PPM1K: variants seen among roughly 807,000 people sequenced by gnomAD.
PPM1K encodes the protein protein phosphatase, Mg2+/Mn2+ dependent 1K, also known as protein phosphatase Mn(2+)-dependent 1K.
PPM1K carries 19 observed loss-of-function variants against 32.6 expected under a neutral mutation model. That is an observed-to-expected ratio of 0.58 (90% CI 0.41 to 0.86). The LOEUF is 0.86. Among genes scored for constraint, PPM1K ranks in the 40% least tolerant of loss-of-function variants. The pLI is 0.00. For synonymous variants in PPM1K, 159 were observed against 165.3 expected (o/e 0.96, Z 0.29); for missense variants, 362 against 461.2 (o/e 0.78, Z 1.97).
chr4:88,275,012 T>C, intron 3 of PPM1K: 1 of 725,524 alleles, frequency 1.4e-6, no homozygotes, highest in Non-Finnish European at 1.7e-6. Flanking sequence ...CCTTTTCTTT[T>C]AGTACACACT....
chr4:88,265,129 G>C lies in PPM1K; in HGVS notation c.859C>G (p.His287Asp). 6.2e-7 allele frequency: 1 copy of C among 1,614,166 alleles called. No homozygotes were observed. The highest frequency in any genetic ancestry group is 8.5e-7 in the Non-Finnish European group (1 of 1,180,006). ...AGGACCAGGAAGCTGTCATCAGCAT[G>C]ATGTAACTGCAATCAGAACCAAATG... is the stretch of plus-strand genomic sequence containing the variant. ...EPETKRIKLHHADDSFLVLTT... is the reference protein window; with the variant it reads ...EPETKRIKLHDADDSFLVLTT... The change falls in exon 6 of 7, where the codon CAT becomes GAT. Residue 287 changes from histidine (H) to aspartate (D), a missense_variant. Coordinates refer to ENST00000608933, the MANE Select transcript of PPM1K (RefSeq NM_152542.5).
Position 88,278,342 on chromosome 4 carries a change from A to G in PPM1K, c.242T>C (p.Ile81Thr). Residue 81 changes from isoleucine to threonine, a missense_variant, in exon 2 of 7, where the codon ATT (isoleucine) becomes ACT (threonine). Physicochemically the swap from Ile to Thr is moderately conservative, Grantham distance 89. Transcript: ENST00000608933. The surrounding 1 kb of genome is among the most constrained non-coding windows in gnomAD (Gnocchi z 4.2). Reference protein sequence around the residue: ...IDEPILLPPSIKYGKPIPKIS... With the variant: ...IDEPILLPPSTKYGKPIPKIS... The stretch of plus-strand genomic sequence containing the variant: ...TTTGGGAATTGGCTTGCCATACTTA[A>G]TGCTGGGTGGCAGCAGAATTGGCTC... 6.2e-7 allele frequency: 1 copy of G among 1,614,138 alleles called. No individual in the cohort carries two copies.
chr4:88,279,955 T>G (rs566092011), intron 1 of PPM1K, among the ~76,000 whole-genome samples: 4 of 152,292 alleles, frequency 2.6e-5, no homozygotes, highest in African/African-American at 9.6e-5. Context: ...AGTGCAGTTA[T>G]GAGAAAATGC....
intron 3 of PPM1K, among the ~76,000 whole-genome samples, chr4:88,269,585 A>G (rs947094498): frequency 2.6e-5 from 4 of 152,186 alleles, no homozygotes; most frequent in Non-Finnish European, 5.9e-5. Context: ...TCATTACAGG[A>G]GCAGAAAATC....
chr4:88,271,759 C>T lies in PPM1K; in HGVS notation c.542-2853G>A, dbSNP rs145837164. 1.7e-4 allele frequency among the ~76,000 whole-genome samples: 26 copies of T among 152,188 alleles called. No individual in the cohort carries two copies. The East Asian group carries it at 5.0e-3, about 29-fold the overall frequency. ...TAAACTACAGTATACCACCAAATTA[C>T]TGGGACTTAAATATATATCAAGAAG... On this transcript the variant is annotated intron_variant, in intron 3 of 6. Coordinates refer to ENST00000608933, the MANE Select transcript of PPM1K (RefSeq NM_152542.5).
In PPM1K at chr4:88,258,676, T is replaced by G. The variant is rs942049390; in HGVS notation, c.*3919A>C. 2 of 152,028 alleles carry G rather than the reference T, an allele frequency of 1.3e-5. No homozygotes were observed. The highest frequency in any genetic ancestry group is 4.8e-5 in the African/African-American group (2 of 41,400). The allele number at this position is 152,028 out of a possible 1,614,324, so 9.4% of individuals were successfully genotyped here. ...TTAGATTATGTGCTAATAATTCTCT[T>G]TTAAGTGTTGGAACAGGGGAAAGTT... On this transcript the variant is annotated 3_prime_UTR_variant, in exon 7 of 7. Transcript: ENST00000608933.
intron 1 of PPM1K, 119 bp downstream of exon 1, chr4:88,284,287 G>A (rs932132104): frequency 6.6e-6 from 1 of 152,348 alleles, no homozygotes; most frequent in African/African-American, 2.4e-5. Flanking sequence ...GGAAACCGAC[G>A]TCTCCCCTTC....
At position 88,259,388 on chromosome 4, in the gene PPM1K, CAATG is replaced by C. The variant is rs1315762561; in HGVS notation, c.*3203_*3206del. 1 of 151,974 alleles carries C rather than the reference CAATG, an allele frequency of 6.6e-6. No individual in the cohort carries two copies. Among genetic ancestry groups the C allele is most frequent in the African/African-American group, 2.4e-5 (1 of 41,366 alleles). The allele number at this position is 151,974 out of a possible 1,614,324, so 9.4% of individuals were successfully genotyped here. ...TTATACTTGTGGAAAATCACAATGA[CAATG>C]AATATTTCACCAAATAGATGGTGGC... is the stretch of plus-strand genomic sequence containing the variant. On this transcript the variant is annotated 3_prime_UTR_variant, in exon 7 of 7. Coordinates refer to ENST00000608933, the MANE Select transcript of PPM1K (RefSeq NM_152542.5).
Position 88,278,371 on chromosome 4 carries a change from A to G in PPM1K, c.213T>C (p.Ile71=), listed in dbSNP as rs200220175. 1.9e-6 allele frequency: 3 copies of G among 1,614,054 alleles called. No homozygotes were observed. Among genetic ancestry groups the G allele is most frequent in the Non-Finnish European group, 2.5e-6 (3 of 1,180,048 alleles). Residue 71 remains isoleucine, a synonymous_variant, in exon 2 of 7, where the codon ATT becomes ATC. Transcript: ENST00000608933. This position sits in a 1 kb window ranked among gnomAD's most constrained non-coding sequence, Gnocchi z 4.2. ...WDNFGIWDNR[I]DEPILLPPSI... is the part of the protein sequence containing the mutation. The stretch of plus-strand genomic sequence containing the variant: ...TGGGTGGCAGCAGAATTGGCTCATC[A>G]ATGCGGTTATCCCAGATCCCAAAAT...
intron 2 of PPM1K, 53 bp from the exon 3 acceptor site, chr4:88,277,296 T>C: frequency 8.2e-7 from 1 of 1,225,234 alleles, no homozygotes; most frequent in South Asian, 1.2e-5. Context: ...AATAGGTTTT[T>C]CTCCTCACTG....
chr4:88,272,717 CA>C (rs1382090486), intron 3 of PPM1K, among the ~76,000 whole-genome samples: 2 of 152,062 alleles, frequency 1.3e-5, no homozygotes, highest in Non-Finnish European at 2.9e-5. Flanking sequence ...AATGCATTAA[CA>C]AAAAAGCAAT....
intron 3 of PPM1K, among the ~76,000 whole-genome samples, chr4:88,273,471 G>A (rs1457696082): frequency 2.0e-5 from 3 of 152,226 alleles, no homozygotes; most frequent in African/African-American, 7.2e-5. Context: ...ACCCAAGGTC[G>A]GGAGTTAGAG....
At chr4:88,264,698 A>G (rs961709795) in intron 6 of PPM1K, among the ~76,000 whole-genome samples, 4 of 152,242 alleles carry the variant, frequency 2.6e-5, no homozygotes, top group African/African-American at 9.6e-5. Flanking sequence ...TGTACAATAC[A>G]TACAGTAATG....
Position 88,268,731 on chromosome 4 carries a change from G to A in PPM1K, c.707+10C>T. On this transcript the variant is annotated intron_variant, in intron 4 of 6. Coordinates refer to ENST00000608933, the MANE Select transcript of PPM1K (RefSeq NM_152542.5). The stretch of plus-strand genomic sequence containing the variant: ...CATAGAATGATATGATGGATCAGTG[G>A]TGGTAGTACCTTTCTTTTTCATCTT... 6.2e-7 allele frequency: 1 copy of A among 1,611,658 alleles called. No homozygotes were observed. Among genetic ancestry groups the A allele is most frequent in the South Asian group, 1.1e-5 (1 of 90,950 alleles).
At position 88,261,110 on chromosome 4, in the gene PPM1K, A is replaced by G. The variant is rs542545262; in HGVS notation, c.*1485T>C. 9 of 152,374 alleles carry G rather than the reference A, an allele frequency of 5.9e-5. No individual in the cohort carries two copies. Among genetic ancestry groups the G allele is most frequent in the Admixed American group, 5.2e-4 (8 of 15,302 alleles). 9.4% of individuals were successfully genotyped at this position (152,374 alleles called of 1,614,324 possible). A position where few individuals can be genotyped will look rare whatever the true frequency, so the allele number is the denominator to read the frequency against. On this transcript the variant is annotated 3_prime_UTR_variant, in exon 7 of 7. Transcript: ENST00000608933. ...ATACTCACACATATAACAAATTTACATAGTTTGCAGAAATAAACTACGGAA... is the reference window on the plus strand; with the variant it reads ...ATACTCACACATATAACAAATTTACGTAGTTTGCAGAAATAAACTACGGAA...
At position 88,281,970 on chromosome 4, in the gene PPM1K, G is replaced by GA. The variant is rs906444207; in HGVS notation, c.-60+2435dup. ...TGATGTGAAAAACAAAAACCTTAAGGAAAAAAAAAAAGCAATCAGTGTTCT... is the reference window on the plus strand; with the variant it reads ...TGATGTGAAAAACAAAAACCTTAAGGAAAAAAAAAAAAGCAATCAGTGTTCT... On this transcript the variant is annotated intron_variant, in intron 1 of 6. Transcript: ENST00000608933. 3.0e-4 allele frequency among the ~76,000 whole-genome samples: 43 copies of GA among 142,350 alleles called. No individual in the cohort carries two copies. The South Asian group carries it at 3.3e-3, about 11-fold the overall frequency. The allele number at this position is 142,350 out of a possible 152,430, so 93.4% of individuals were successfully genotyped here.
chr4:88,283,193 C>T (rs934763220), intron 1 of PPM1K, among the ~76,000 whole-genome samples: 6 of 152,210 alleles, frequency 3.9e-5, no homozygotes, highest in African/African-American at 1.4e-4. Context: ...CGGCTCACTG[C>T]AGCCTCGACC....
chr4:88,277,048 A>G (rs1210158125), intron 3 of PPM1K, 95 bp downstream of exon 3: 8 of 938,768 alleles, frequency 8.5e-6, no homozygotes, highest in East Asian at 7.4e-5. Flanking sequence ...GTCCATTAAA[A>G]TCCCCTCCCC....
intron 3 of PPM1K, among the ~76,000 whole-genome samples, chr4:88,272,265 G>C (rs1578318227): frequency 6.6e-6 from 1 of 152,092 alleles, no homozygotes; most frequent in East Asian, 1.9e-4. Flanking sequence ...GGCTGTCCCG[G>C]CATAGGGGAT....
Sources: gnomAD v4.1 joint callset for allele counts (sites outside exome capture counted in the v4.1 genomes callset) on GRCh38, gnomAD v4.1.1 for gene constraint, Gnocchi (gnomAD v3.1) non-coding constraint, MANE v1.5 for transcripts, NCBI Gene and HGNC (gene_info 2026-07-23, HGNC 2026-07-21) for gene names.